CACNA1A: variants seen among roughly 807,000 people sequenced by gnomAD.
CACNA1A encodes voltage-dependent P/Q-type calcium channel subunit alpha-1A.
In CACNA1A, 57 loss-of-function variants were observed where a neutral mutation model predicts 262.4. The ratio of observed to expected loss-of-function variants is 0.22; its 90% CI spans 0.18 to 0.27. The LOEUF is 0.27. Among genes scored for constraint, CACNA1A ranks in the 10% least tolerant of loss-of-function variants. The pLI, the probability that CACNA1A is intolerant of heterozygous loss-of-function variation, is 1.00. For missense variants in CACNA1A, 2,526 were observed against 3,562.8 expected, an observed-to-expected ratio of 0.71 and a Z score of 7.41; for synonymous variants, 1,431 against 1,419.3, an observed-to-expected ratio of 1.01 and a Z score of -0.18.
At chr19:13,322,202 GAAAAA>G (rs368879293) in intron 10 of CACNA1A, among the ~76,000 whole-genome samples, 3 of 90,080 alleles carry the variant, frequency 3.3e-5, no homozygotes, top group Non-Finnish European at 4.7e-5. Flanking sequence ...ACTTGTCTCA[GAAAAA>G]AAAAAAAAAA....
At chr19:13,475,463 T>A (rs1045236930) in intron 1 of CACNA1A, among the ~76,000 whole-genome samples, 1 of 152,204 alleles carries the variant, frequency 6.6e-6, no homozygotes, top group Non-Finnish European at 1.5e-5. Flanking sequence ...CCGGAAGGAC[T>A]CACGTCACTT....
Position 13,241,555 on chromosome 19 carries a change from A to AG in CACNA1A, c.4950+3626dup. On this transcript the variant is annotated intron_variant, in intron 31 of 46. Coordinates refer to ENST00000360228, the MANE Select transcript of CACNA1A (RefSeq NM_001127222.2). The surrounding 1 kb of genome is among the most constrained non-coding windows in gnomAD (Gnocchi z 4.0). ...GATGCAGATGTTGAAGATGAGGGGG[A>AG]GCGGGCGGGCGGGGGCAGTTGGGGA... 1.7e-5 allele frequency: 5 copies of AG among 302,496 alleles called. No homozygotes were observed. The Admixed American group carries it at 2.2e-4, about 13-fold the overall frequency. 18.7% of individuals were successfully genotyped at this position (302,496 alleles called of 1,614,324 possible).
intron 6 of CACNA1A, among the ~76,000 whole-genome samples, chr19:13,344,471 G>C (rs2058728125): frequency 1.3e-5 from 2 of 152,030 alleles, no homozygotes; most frequent in African/African-American, 4.8e-5. Context: ...AGCCTTCTTG[G>C]ACCTCTCAAT....
intron 6 of CACNA1A, among the ~76,000 whole-genome samples, chr19:13,348,401 A>G (rs112408038): frequency 0.011 from 1,698 of 148,950 alleles, 35 homozygotes; most frequent in African/African-American, 0.039. Flanking sequence ...GAGAGAGAAC[A>G]CAAGAATAAA....
chr19:13,429,364 C>T (rs766788793), intron 3 of CACNA1A, among the ~76,000 whole-genome samples: 6 of 151,406 alleles, frequency 4.0e-5, no homozygotes, highest in Non-Finnish European at 5.9e-5. Flanking sequence ...ATGTCACAGC[C>T]GCTTCCTAAA....
chr19:13,335,687 C>T lies in CACNA1A; in HGVS notation c.1082+119G>A. 4 of 732,578 alleles carry T rather than the reference C, an allele frequency of 5.5e-6. No individual in the cohort carries two copies. In the South Asian group the frequency reaches 6.4e-5, roughly 12 times the overall value. The allele number at this position is 732,578 out of a possible 1,614,324, so 45.4% of individuals were successfully genotyped here. Reference sequence around the variant, plus strand: ...GCTAATAACAGTCTGGTAACCCAAACAAGGGAAGAAGCCTTTTCTCTGTCT... The same window carrying T: ...GCTAATAACAGTCTGGTAACCCAAATAAGGGAAGAAGCCTTTTCTCTGTCT... On this transcript the variant is annotated intron_variant, in intron 7 of 46. Transcript: ENST00000360228.
intron 1 of CACNA1A, among the ~76,000 whole-genome samples, chr19:13,464,650 G>A (rs931396758): frequency 1.3e-4 from 19 of 148,768 alleles, no homozygotes; most frequent in East Asian, 6.1e-4. Flanking sequence ...CCAGGTTCAC[G>A]CCATTCTCCT....
intron 3 of CACNA1A, among the ~76,000 whole-genome samples, chr19:13,398,131 C>T (rs756257082): frequency 3.9e-5 from 6 of 151,966 alleles, no homozygotes; most frequent in Non-Finnish European, 5.9e-5. Context: ...GGTGTGGTGG[C>T]GGGCACCTGT....
At position 13,395,099 on chromosome 19, in the gene CACNA1A, C is replaced by A. The variant is rs2059786241; in HGVS notation, c.540-23320G>T. Among the ~76,000 whole-genome samples, 3 of 151,110 alleles carry A rather than the reference C, an allele frequency of 2.0e-5. No individual in the cohort carries two copies. The South Asian group carries it at 6.3e-4, about 32-fold the overall frequency. ...GACCAGCCTGGCCAACATGGCAAAA[C>A]ACTGTCTCTACTAAAAATACAAAAA... On this transcript the variant is annotated intron_variant, in intron 3 of 46. Coordinates refer to ENST00000360228, the MANE Select transcript of CACNA1A (RefSeq NM_001127222.2).
Position 13,210,818 on chromosome 19 carries a change from A to T in CACNA1A, c.6304-166T>A, listed in dbSNP as rs1021701461. 9.1e-5 allele frequency: 69 copies of T among 758,338 alleles called. No individual in the cohort carries two copies. In the African/African-American group the frequency reaches 1.0e-3, roughly 12 times the overall value. 47.0% of individuals were successfully genotyped at this position (758,338 alleles called of 1,614,324 possible). ...AGGGAGAAGGCAGGGAGGAAAAGAA[A>T]AGTTAAAGTCCTGGCGGGTGGGTGT... On this transcript the variant is annotated intron_variant, in intron 43 of 46. Coordinates refer to ENST00000360228, the MANE Select transcript of CACNA1A (RefSeq NM_001127222.2).
intron 1 of CACNA1A, among the ~76,000 whole-genome samples, chr19:13,472,117 C>T (rs913219395): frequency 1.6e-4 from 25 of 151,978 alleles, no homozygotes; most frequent in African/African-American, 6.0e-4. Flanking sequence ...TGCACACTAT[C>T]ACACCCAGCT....
chr19:13,309,903 A>G (rs1306368146), intron 12 of CACNA1A, among the ~76,000 whole-genome samples: 1 of 152,062 alleles, frequency 6.6e-6, no homozygotes, highest in African/African-American at 2.4e-5. Context: ...TTCTGCAACT[A>G]TCACCTCTAT....
chr19:13,491,005 A>AAAGG (rs879736907), intron 1 of CACNA1A, among the ~76,000 whole-genome samples: 2 of 150,200 alleles, frequency 1.3e-5, no homozygotes, highest in East Asian at 2.0e-4. Flanking sequence ...AGGAAGGAAG[A>AAAGG]AAGGAAGGAA....
At chr19:13,213,908 A>T in intron 40 of CACNA1A, 1 of 269,442 alleles carries the variant, frequency 3.7e-6, no homozygotes, top group Non-Finnish European at 7.2e-6. Flanking sequence ...CTGGTCTCCC[A>T]CTCCTGGCCT....
chr19:13,463,486 C>T (rs1172207513), intron 1 of CACNA1A, among the ~76,000 whole-genome samples: 1 of 152,206 alleles, frequency 6.6e-6, no homozygotes, highest in Non-Finnish European at 1.5e-5. Context: ...AACCCTAGCG[C>T]TGCCCGGGAT....
chr19:13,415,770 AAAAG>A (rs1373377529), intron 3 of CACNA1A, among the ~76,000 whole-genome samples: 1 of 137,432 alleles, frequency 7.3e-6, no homozygotes, highest in East Asian at 2.0e-4. Context: ...AAAAAAAAAA[AAAAG>A]TAGATGGGGC....
intron 1 of CACNA1A, among the ~76,000 whole-genome samples, chr19:13,505,665 G>C (rs1982937352): frequency 6.6e-6 from 1 of 151,754 alleles, no homozygotes; most frequent in South Asian, 2.1e-4. Flanking sequence ...TCTCATTCTA[G>C]AGTCGGTCCT....
At chr19:13,315,979 A>G (rs989248286) in intron 11 of CACNA1A, 4 of 152,118 alleles carry the variant, frequency 2.6e-5, no homozygotes, top group South Asian at 2.1e-4. Flanking sequence ...ATTTTTTGAG[A>G]CAGACACTCT....
At chr19:13,224,030 T>C (rs1375061079) in intron 38 of CACNA1A, among the ~76,000 whole-genome samples, 2 of 151,868 alleles carry the variant, frequency 1.3e-5, no homozygotes, top group Non-Finnish European at 2.9e-5. Context: ...AGGTTGGGCA[T>C]GGTGGCTCAC....
Sources: gnomAD v4.1 joint callset for allele counts (sites outside exome capture counted in the v4.1 genomes callset) on GRCh38, gnomAD v4.1.1 for gene constraint, Gnocchi (gnomAD v3.1) non-coding constraint, MANE v1.5 for transcripts, NCBI Gene and HGNC (gene_info 2026-07-23, HGNC 2026-07-21) for gene names.